The following HAPLN1 variants were observed in gnomAD, a reference collection of about 807,000 sequenced individuals.
The protein encoded by HAPLN1 is hyaluronan and proteoglycan link protein 1.
HAPLN1 carries 13 observed loss-of-function variants against 36.5 expected under a neutral mutation model. That is an observed-to-expected ratio of 0.36 (90% CI 0.23 to 0.57). The LOEUF (loss-of-function observed/expected upper bound fraction) is 0.57, where lower values mean the gene tolerates loss of function less well. Among genes scored for constraint, HAPLN1 ranks in the 20% least tolerant of loss-of-function variants. HAPLN1 has a pLI of 0.83. For synonymous variants in HAPLN1, 202 were observed against 169.8 expected, an observed-to-expected ratio of 1.19 and a Z score of -1.48; for missense variants, 407 against 439.7, an observed-to-expected ratio of 0.93 and a Z score of 0.66.
rs1749668225 is a variant in HAPLN1 at position 83,640,942 on chromosome 5, A to AT, written c.*553dup. ...TTTTTTTTTTGGTCAGAAAGGCAGGATTTTAAAGAGTAAAATATTCTGCCT... is the reference window on the plus strand; with the variant it reads ...TTTTTTTTTTGGTCAGAAAGGCAGGATTTTTAAAGAGTAAAATATTCTGCCT... On this transcript the variant is annotated 3_prime_UTR_variant, in exon 5 of 5. Coordinates refer to ENST00000274341, the MANE Select transcript of HAPLN1 (RefSeq NM_001884.4). 1 of 147,340 alleles carries AT rather than the reference A, an allele frequency of 6.8e-6. No homozygotes were observed. The highest frequency in any genetic ancestry group is 1.5e-5 in the Non-Finnish European group (1 of 67,148). 9.1% of individuals were successfully genotyped at this position (147,340 alleles called of 1,614,324 possible).
Position 83,650,081 on chromosome 5 carries a change from A to G in HAPLN1, c.472+2372T>C, listed in dbSNP as rs562764862. 5.2e-4 allele frequency among the ~76,000 whole-genome samples: 79 copies of G among 152,320 alleles called. No individual in the cohort carries two copies. The South Asian group carries it at 6.8e-3, about 13-fold the overall frequency. Reference sequence around the variant, plus strand: ...GCTCCAATAACTTTGAGACTTTCAGAATTTTCTAAAGCCTGAAGCAGCTGA... The same window carrying G: ...GCTCCAATAACTTTGAGACTTTCAGGATTTTCTAAAGCCTGAAGCAGCTGA... On this transcript the variant is annotated intron_variant, in intron 3 of 4. Transcript: ENST00000274341.
rs1245134332 is a variant in HAPLN1, at chr5:83,641,746, T to C, written c.815A>G (p.Tyr272Cys). ...YYLIHPTKLT[Y>C]DEAVQACLND... ...GAGACAAGCTTGCACCGCTTCATCA[T>C]AGGTCAGTTTGGTGGGGTGGATCAG... Residue 272 changes from tyrosine to cysteine, a missense_variant, in exon 5 of 5, where the codon TAT becomes TGT. Transcript: ENST00000274341. 1 of 1,614,152 alleles carries C rather than the reference T, an allele frequency of 6.2e-7. No individual in the cohort carries two copies. The highest frequency in any genetic ancestry group is 1.1e-5 in the South Asian group (1 of 91,074).
intron 1 of HAPLN1, among the ~76,000 whole-genome samples, chr5:83,706,096 T>C (rs1751641030): frequency 8.7e-6 from 1 of 114,446 alleles, no homozygotes; most frequent in South Asian, 2.6e-4. Context: ...ATAAATAGCC[T>C]ACCAATCGAA....
chr5:83,686,111 C>G lies in HAPLN1; in HGVS notation c.-26-12562G>C, dbSNP rs1435320871. 3.7e-4 allele frequency: 22 copies of G among 58,968 alleles called. No individual in the cohort carries two copies. The Admixed American group carries it at 5.2e-3, about 14-fold the overall frequency. 3.7% of individuals were successfully genotyped at this position (58,968 alleles called of 1,614,324 possible). A position where few individuals can be genotyped will look rare whatever the true frequency, so the allele number is the denominator to read the frequency against. ...ATTGTACTATCACCAATGACGGAGC[C>G]AAAACAACAATTAGAGATATAAAAT... On this transcript the variant is annotated intron_variant, in intron 1 of 4. Coordinates refer to ENST00000274341, the MANE Select transcript of HAPLN1 (RefSeq NM_001884.4).
chr5:83,688,642 CTTTTTTTTTTTTTTT>C (rs539790396), intron 1 of HAPLN1, among the ~76,000 whole-genome samples: 8,684 of 80,898 alleles, frequency 0.11, 454 homozygotes, highest in Admixed American at 0.18. Context: ...GCTTTTGATT[CTTTTTTTTTTTTTTT>C]TTTTTTTTTT....
In HAPLN1 at chr5:83,697,856, C is replaced by T. The variant is rs139826356; in HGVS notation, c.-27+22933G>A. Among the ~76,000 whole-genome samples, 928 of 152,040 alleles carry T rather than the reference C, an allele frequency of 6.1e-3. 11 individuals carry two copies. The highest frequency in any genetic ancestry group is 0.021 in the African/African-American group (885 of 41,474). ...ATCTCTTTGGGAGAAATGTCTATTC[C>T]GATCTTTTGTCCATTTTTTAATTGG... On this transcript the variant is annotated intron_variant, in intron 1 of 4. Coordinates refer to ENST00000274341, the MANE Select transcript of HAPLN1 (RefSeq NM_001884.4).
At chr5:83,673,936 A>G (rs1019804099) in intron 1 of HAPLN1, among the ~76,000 whole-genome samples, 2 of 152,246 alleles carry the variant, frequency 1.3e-5, no homozygotes, top group Admixed American at 6.5e-5. Flanking sequence ...TTATGTCTGT[A>G]TATGAGTATC....
In HAPLN1 at chr5:83,700,547, T is replaced by C. The variant is rs546808244; in HGVS notation, c.-27+20242A>G. Among the ~76,000 whole-genome samples the C allele has an allele frequency of 3.1e-3, 470 of 152,034 alleles. 1 individual carries two copies. Among genetic ancestry groups the C allele is most frequent in the African/African-American group, 0.011 (454 of 41,494 alleles). The stretch of plus-strand genomic sequence containing the variant: ...AATGAGGAGAAAAAATTGCCAAGAA[T>C]ACATAGTAATATAAATTAAGGTCAC... On this transcript the variant is annotated intron_variant, in intron 1 of 4. Transcript: ENST00000274341.
At position 83,639,469 on chromosome 5, in the gene HAPLN1, T is replaced by C. The variant is rs1269710592; in HGVS notation, c.*2027A>G. 1.3e-5 allele frequency: 2 copies of C among 152,088 alleles called. No individual in the cohort carries two copies. Among genetic ancestry groups the C allele is most frequent in the Non-Finnish European group, 2.9e-5 (2 of 67,926 alleles). 9.4% of individuals were successfully genotyped at this position (152,088 alleles called of 1,614,324 possible). A position where few individuals can be genotyped will look rare whatever the true frequency, so the allele number is the denominator to read the frequency against. On this transcript the variant is annotated 3_prime_UTR_variant, in exon 5 of 5. Transcript: ENST00000274341. ...ACTGAAAATTAGATGTTTGCTTCAA[T>C]AGAAATTTGTTCCCACTTGTATTTT...
intron 2 of HAPLN1, among the ~76,000 whole-genome samples, chr5:83,660,417 G>A (rs754944055): frequency 9.9e-5 from 15 of 152,064 alleles, no homozygotes; most frequent in Admixed American, 5.9e-4. Flanking sequence ...CCTTGCCCCC[G>A]CAAAGGATAT....
Position 83,685,571 on chromosome 5 carries a change from G to A in HAPLN1, c.-26-12022C>T, listed in dbSNP as rs1260424383. 3.9e-5 allele frequency among the ~76,000 whole-genome samples: 6 copies of A among 152,126 alleles called. No individual in the cohort carries two copies. In the South Asian group the frequency reaches 6.2e-4, roughly 16 times the overall value. ...GAAGCATCTAAAACATTTTGACCCC[G>A]TGCTAATGTTACAAAAGTGTAAACT... On this transcript the variant is annotated intron_variant, in intron 1 of 4. Coordinates refer to ENST00000274341, the MANE Select transcript of HAPLN1 (RefSeq NM_001884.4).
rs35121357 is a variant in HAPLN1 at position 83,659,838 on chromosome 5, G to T, written c.101-7014C>A. Among the ~76,000 whole-genome samples the T allele has an allele frequency of 5.9e-3, 904 of 152,102 alleles. 3 individuals are homozygous for T. The highest frequency in any genetic ancestry group is 0.017 in the Middle Eastern group (5 of 292). On this transcript the variant is annotated intron_variant, in intron 2 of 4. Coordinates refer to ENST00000274341, the MANE Select transcript of HAPLN1 (RefSeq NM_001884.4). ...GATACTATTGCTGAAGATAGTAATT[G>T]TTGTCTGGTTTTGAACCATAAAGGA...
intron 1 of HAPLN1, among the ~76,000 whole-genome samples, chr5:83,678,529 T>G (rs1408688359): frequency 6.6e-6 from 1 of 152,164 alleles, no homozygotes; most frequent in South Asian, 2.1e-4. Context: ...ACTGACGGTC[T>G]AGGAAATATC....
chr5:83,687,288 C>G (rs568106067), intron 1 of HAPLN1, among the ~76,000 whole-genome samples: 1 of 152,206 alleles, frequency 6.6e-6, no homozygotes, highest in Non-Finnish European at 1.5e-5. Context: ...GAGGAGAATA[C>G]AGTAGTCTTC....
At chr5:83,711,262 A>G (rs1259373894) in intron 1 of HAPLN1, among the ~76,000 whole-genome samples, 2 of 152,200 alleles carry the variant, frequency 1.3e-5, no homozygotes, top group Non-Finnish European at 2.9e-5. Context: ...TCAAGAAACA[A>G]TGGACTTTTA....
intron 1 of HAPLN1, 27 bp from the exon 2 acceptor site, chr5:83,673,576 C>G: frequency 7.4e-7 from 1 of 1,353,822 alleles, no homozygotes. Flanking sequence ...TACAAAGAGG[C>G]TTGTGAGATT....
At chr5:83,663,317 A>T (rs1472158716) in intron 2 of HAPLN1, among the ~76,000 whole-genome samples, 1 of 152,228 alleles carries the variant, frequency 6.6e-6, no homozygotes, top group African/African-American at 2.4e-5. Context: ...ATTTTAAAAA[A>T]TCATATGAGA....
intron 2 of HAPLN1, among the ~76,000 whole-genome samples, chr5:83,653,769 C>G (rs911480969): frequency 6.6e-6 from 1 of 152,206 alleles, no homozygotes; most frequent in African/African-American, 2.4e-5. Context: ...GCAGGTCTGC[C>G]GTTTTCTACA....
chr5:83,645,681 C>T (rs1749852614), intron 3 of HAPLN1, among the ~76,000 whole-genome samples: 1 of 151,794 alleles, frequency 6.6e-6, no homozygotes, highest in Non-Finnish European at 1.5e-5. Flanking sequence ...GTGAGGCACG[C>T]CTCCATAGAA....
Sources: allele counts gnomAD v4.1 joint callset (sites outside exome capture counted in the v4.1 genomes callset), GRCh38; gene constraint gnomAD v4.1.1; transcripts MANE v1.5; gene names NCBI Gene and HGNC (gene_info 2026-07-23, HGNC 2026-07-21).